The following STOX2 variants were observed in gnomAD, a reference collection of about 807,000 sequenced individuals.
STOX2 encodes the protein storkhead-box protein 2.
STOX2 carries 28 observed loss-of-function variants against 60.9 expected under a neutral mutation model. That is an observed-to-expected ratio of 0.46 (90% confidence interval 0.34 to 0.63). The LOEUF is 0.63. Among genes scored for constraint, STOX2 ranks in the 30% least tolerant of loss-of-function variants. STOX2 has a pLI of 0.01. For missense variants in STOX2, 1,024 were observed against 1,187.7 expected (o/e 0.86, Z 2.03); for synonymous variants, 472 against 463.9 (o/e 1.02, Z -0.22).
At chr4:183,842,846 T>TTG (rs1560841477) in intron 1 of STOX2, among the ~76,000 whole-genome samples, 1 of 150,936 alleles carries the variant, frequency 6.6e-6, no homozygotes, top group African/African-American at 2.4e-5. Context: ...TTTTTTTTTT[T>TTG]TTGAAATAAA....
At chr4:183,939,922 T>G (rs1312028415) in intron 1 of STOX2, among the ~76,000 whole-genome samples, 1 of 152,136 alleles carries the variant, frequency 6.6e-6, no homozygotes, top group Non-Finnish European at 1.5e-5. Context: ...TTTTTTTCTT[T>G]TAATGGAATC....
At chr4:183,803,651 A>C (rs62342253) in intron 1 of STOX2, among the ~76,000 whole-genome samples, 68,564 of 152,030 alleles carry the variant, frequency 0.45, 16,315 homozygotes, top group East Asian at 0.66. Flanking sequence ...TTCTAGTGGC[A>C]CAACAGACAT....
upstream of STOX2, among the ~76,000 whole-genome samples, chr4:183,904,734 A>G (rs140856458): frequency 0.03 from 4,645 of 152,308 alleles, 81 homozygotes; most frequent in Middle Eastern, 0.034. Flanking sequence ...TAGATTTTAT[A>G]ATGCCTGTGG....
chr4:183,894,173 A>G (rs978816189), intron 1 of STOX2, among the ~76,000 whole-genome samples: 3 of 152,212 alleles, frequency 2.0e-5, no homozygotes, highest in African/African-American at 7.2e-5. Flanking sequence ...AAAATTAAAA[A>G]TATTAAAAAT....
At chr4:183,946,447 C>A (rs992833952) in intron 1 of STOX2, among the ~76,000 whole-genome samples, 1 of 152,094 alleles carries the variant, frequency 6.6e-6, no homozygotes, top group Non-Finnish European at 1.5e-5. Context: ...ATACCAAAAT[C>A]TGAGGATGCT....
chr4:183,807,173 C>T (rs1187011308), intron 1 of STOX2, among the ~76,000 whole-genome samples: 1 of 152,044 alleles, frequency 6.6e-6, no homozygotes, highest in Non-Finnish European at 1.5e-5. Context: ...GGGGTTTCAC[C>T]GCGTTAGCCA....
intron 1 of STOX2, among the ~76,000 whole-genome samples, chr4:183,925,680 G>A (rs1742220131): frequency 1.3e-5 from 2 of 152,100 alleles, no homozygotes; most frequent in African/African-American, 2.4e-5. Context: ...CATATAACTA[G>A]GACTAGAATT....
At position 183,906,580 on chromosome 4, in the gene STOX2, C is replaced by G; in HGVS notation, c.-211C>G. ...AAATGAAGTGTAATGCATTGTGGGACGTGTGTAAAATCGGAGCCTTCGCCG... is the reference window on the plus strand; with the variant it reads ...AAATGAAGTGTAATGCATTGTGGGAGGTGTGTAAAATCGGAGCCTTCGCCG... On this transcript the variant is annotated 5_prime_UTR_variant, in exon 1 of 4. Coordinates refer to ENST00000308497, the MANE Select transcript of STOX2 (RefSeq NM_020225.3). The G allele has an allele frequency of 1.8e-6, 1 of 542,290 alleles. No homozygotes were observed. Among genetic ancestry groups the G allele is most frequent in the Non-Finnish European group, 3.2e-6 (1 of 308,270 alleles). The allele number at this position is 542,290 out of a possible 1,614,324, so 33.6% of individuals were successfully genotyped here. A position where few individuals can be genotyped will look rare whatever the true frequency, so the allele number is the denominator to read the frequency against.
chr4:183,860,442 C>CA (rs35753992), intron 1 of STOX2, among the ~76,000 whole-genome samples: 38,771 of 121,598 alleles, frequency 0.32, 5,908 homozygotes, highest in East Asian at 0.51. Flanking sequence ...AAACAAAAAA[C>CA]AAAAAAAAAA....
At chr4:183,924,226 G>A (rs942334820) in intron 1 of STOX2, among the ~76,000 whole-genome samples, 10 of 152,254 alleles carry the variant, frequency 6.6e-5, no homozygotes, top group Admixed American at 6.5e-4. Flanking sequence ...ACGTATGCTT[G>A]TCTTATTAAA....
chr4:183,969,010 T>C (rs1743662226), intron 1 of STOX2, among the ~76,000 whole-genome samples: 1 of 152,256 alleles, frequency 6.6e-6, no homozygotes, highest in African/African-American at 2.4e-5. Flanking sequence ...GTGATGTCTT[T>C]CTTCATCAAT....
rs57369052 is a variant in STOX2 at position 183,990,578 on chromosome 4, A to ATTTTT, written c.167-10714_167-10710dup. ...GAAGAGGGGCAGTTTAAAAAGCAGG[A>ATTTTT]TTTTTTTTTTTTTTTTTTTTTTTTT... On this transcript the variant is annotated intron_variant, in intron 1 of 3. Transcript: ENST00000308497. Among the ~76,000 whole-genome samples the ATTTTT allele has an allele frequency of 3.2e-3, 267 of 82,468 alleles. 32 individuals carry two copies. Among genetic ancestry groups the ATTTTT allele is most frequent in the Non-Finnish European group, 4.7e-3 (219 of 46,524 alleles). 54.1% of individuals were successfully genotyped at this position (82,468 alleles called of 152,430 possible). A position where few individuals can be genotyped will look rare whatever the true frequency, so the allele number is the denominator to read the frequency against.
chr4:183,822,271 T>G (rs113019130), intron 1 of STOX2, among the ~76,000 whole-genome samples: 110 of 152,344 alleles, frequency 7.2e-4, no homozygotes, highest in African/African-American at 2.5e-3. Flanking sequence ...AACCCATTTA[T>G]GTATATCATG....
intron 1 of STOX2, among the ~76,000 whole-genome samples, chr4:183,918,495 C>T (rs188636355): frequency 2.6e-4 from 40 of 152,340 alleles, no homozygotes; most frequent in African/African-American, 7.5e-4. Context: ...TTCTGAGCTG[C>T]GAGTTCAGCT....
In STOX2 at chr4:184,009,042, C is replaced by A; in HGVS notation, c.320-116C>A. 1.3e-6 allele frequency: 1 copy of A among 785,110 alleles called. No homozygotes were observed. The highest frequency in any genetic ancestry group is 2.0e-6 in the Non-Finnish European group (1 of 499,540). 48.6% of individuals were successfully genotyped at this position (785,110 alleles called of 1,614,324 possible). A position where few individuals can be genotyped will look rare whatever the true frequency, so the allele number is the denominator to read the frequency against. On this transcript the variant is annotated intron_variant, in intron 2 of 3. Transcript: ENST00000308497. This position sits in a 1 kb window ranked among gnomAD's most constrained non-coding sequence, Gnocchi z 4.0. ...AATGAACACCTTTGTCTGAATTGTG[C>A]ATCCTAGCTCTGTGATGGTACTTCG...
chr4:183,840,894 G>T (rs192338630), intron 1 of STOX2, among the ~76,000 whole-genome samples: 2 of 152,166 alleles, frequency 1.3e-5, no homozygotes, highest in Non-Finnish European at 2.9e-5. Flanking sequence ...TTGAGACAGG[G>T]TCTCACTCTG....
At chr4:183,928,352 A>G (rs116796032) in intron 1 of STOX2, among the ~76,000 whole-genome samples, 6 of 152,192 alleles carry the variant, frequency 3.9e-5, no homozygotes, top group African/African-American at 1.4e-4. Flanking sequence ...TTTAAAACAA[A>G]ATGAAACAGC....
chr4:183,932,917 TACG>T (rs1266317421), intron 1 of STOX2, among the ~76,000 whole-genome samples: 26 of 152,216 alleles, frequency 1.7e-4, no homozygotes, highest in African/African-American at 6.0e-4. Flanking sequence ...TCTTGCAGAA[TACG>T]ACTTCAAAAA....
chr4:183,846,660 T>C (rs1280021513), intron 1 of STOX2, among the ~76,000 whole-genome samples: 1 of 152,154 alleles, frequency 6.6e-6, no homozygotes, highest in Non-Finnish European at 1.5e-5. Context: ...ATCATTCTCA[T>C]GATTTCCTTT....
Sources: gnomAD v4.1 joint callset for allele counts (sites outside exome capture counted in the v4.1 genomes callset) on GRCh38, gnomAD v4.1.1 for gene constraint, Gnocchi (gnomAD v3.1) non-coding constraint, MANE v1.5 for transcripts, NCBI Gene and HGNC (gene_info 2026-07-23, HGNC 2026-07-21) for gene names.